The following FGF20 variants were observed in gnomAD, a reference collection of about 807,000 sequenced individuals.
The protein encoded by FGF20 is fibroblast growth factor 20.
FGF20 carries 8 observed loss-of-function variants against 16.7 expected under a neutral mutation model. The observed-to-expected ratio is 0.48, with a 90% CI of 0.28 to 0.87. FGF20 has a LOEUF of 0.87. Ranked by LOEUF, FGF20 falls within the 40% of genes least tolerant of loss-of-function variation. The pLI is 0.10. For missense variants in FGF20, 397 were observed against 281.4 expected, an observed-to-expected ratio of 1.41 and a Z score of -2.94; for synonymous variants, 161 against 118.6, an observed-to-expected ratio of 1.36 and a Z score of -2.32.
At chr8:16,999,730 G>C (rs955256184) in intron 1 of FGF20, among the ~76,000 whole-genome samples, 1 of 147,800 alleles carries the variant, frequency 6.8e-6, no homozygotes, top group African/African-American at 2.5e-5. Context: ...TTAGTAGAGA[G>C]GGGTTTCACT....
At chr8:16,997,138 A>G (rs1810072802) in intron 1 of FGF20, among the ~76,000 whole-genome samples, 1 of 152,222 alleles carries the variant, frequency 6.6e-6, no homozygotes, top group African/African-American at 2.4e-5. Context: ...CCCTAAATAC[A>G]CTGATAAACC....
At chr8:16,994,335 G>A (rs1342350263) in intron 2 of FGF20, among the ~76,000 whole-genome samples, 1 of 152,094 alleles carries the variant, frequency 6.6e-6, no homozygotes, top group Non-Finnish European at 1.5e-5. Context: ...ACTGTTTGAT[G>A]ATACATTCTC....
At chr8:17,000,685 G>T (rs1017566673) in intron 1 of FGF20, among the ~76,000 whole-genome samples, 1 of 152,144 alleles carries the variant, frequency 6.6e-6, no homozygotes, top group Non-Finnish European at 1.5e-5. Context: ...TATTAGAACC[G>T]GAGAGCACCC....
At chr8:16,998,571 GCCCAGTGT>G (rs1810109034) in intron 1 of FGF20, among the ~76,000 whole-genome samples, 1 of 152,048 alleles carries the variant, frequency 6.6e-6, no homozygotes, top group Non-Finnish European at 1.5e-5. Context: ...ATTTTCTAAT[GCCCAGTGT>G]CCCATAAAAA....
chr8:16,997,160 A>G (rs1057128474), intron 1 of FGF20, among the ~76,000 whole-genome samples: 2 of 152,230 alleles, frequency 1.3e-5, no homozygotes, highest in Non-Finnish European at 2.9e-5. Flanking sequence ...CAGTTTAAAA[A>G]AGAAAAACTT....
chr8:16,997,934 T>C (rs1810092661), intron 1 of FGF20, among the ~76,000 whole-genome samples: 1 of 152,244 alleles, frequency 6.6e-6, no homozygotes, highest in Non-Finnish European at 1.5e-5. Context: ...AAGTGTTCTG[T>C]GGTTGAAATG....
At chr8:16,995,784 A>G (rs757647655) in intron 1 of FGF20, 26 bp from the exon 2 acceptor site, 1 of 1,344,508 alleles carries the variant, frequency 7.4e-7, no homozygotes, top group African/African-American at 1.5e-5. Context: ...ATTCATAAAA[A>G]CACCATGTTT....
rs1249877307 is a variant in FGF20 at position 16,993,354 on chromosome 8, A to G, written c.391-37T>C. ...AAGATAACTATTATTTTTTAAAAAA[A>G]TACCTTTGAGATAATTTCCTTACAA... On this transcript the variant is annotated intron_variant, in intron 2 of 2. Coordinates refer to ENST00000180166, the MANE Select transcript of FGF20 (RefSeq NM_019851.3). 4 of 1,543,590 alleles carry G rather than the reference A, an allele frequency of 2.6e-6. No homozygotes were observed. In the African/African-American group the frequency reaches 5.6e-5, roughly 21 times the overall value.
rs183080996 is a variant in FGF20, at chr8:16,992,490, T to C, written c.*582A>G. 1 of 151,452 alleles carries C rather than the reference T, an allele frequency of 6.6e-6. No individual in the cohort carries two copies. The highest frequency in any genetic ancestry group is 1.5e-5 in the Non-Finnish European group (1 of 67,824). 9.4% of individuals were successfully genotyped at this position (151,452 alleles called of 1,614,324 possible). A position where few individuals can be genotyped will look rare whatever the true frequency, so the allele number is the denominator to read the frequency against. On this transcript the variant is annotated 3_prime_UTR_variant, in exon 3 of 3. Transcript: ENST00000180166. ...AAATAAACTCTTTAATAAATAAATA[T>C]ATATAATAAATATTTTCAAATTGAA...
At chr8:16,995,294 A>C (rs1172915851) in intron 2 of FGF20, among the ~76,000 whole-genome samples, 4 of 152,232 alleles carry the variant, frequency 2.6e-5, no homozygotes, top group Non-Finnish European at 5.9e-5. Flanking sequence ...AGGTAGAGAA[A>C]GTTTACCTTA....
intron 1 of FGF20, among the ~76,000 whole-genome samples, chr8:16,998,988 A>C (rs754948156): frequency 2.0e-5 from 3 of 152,186 alleles, no homozygotes; most frequent in Non-Finnish European, 2.9e-5. Flanking sequence ...AAACATAATA[A>C]TTTAATAATT....
At chr8:16,994,473 A>G (rs897005750) in intron 2 of FGF20, among the ~76,000 whole-genome samples, 1 of 11,782 alleles carries the variant, frequency 8.5e-5, no homozygotes, top group Non-Finnish European at 6.8e-3. Flanking sequence ...GATTGTGTGC[A>G]TGTTTTTTCT....
intron 1 of FGF20, among the ~76,000 whole-genome samples, chr8:16,999,127 G>T (rs1216031559): frequency 6.6e-6 from 1 of 152,090 alleles, no homozygotes. Context: ...ATTGAAGGCC[G>T]CTAGGATGTA....
intron 1 of FGF20, among the ~76,000 whole-genome samples, chr8:17,001,125 GTAGCGAA>G (rs1810170559): frequency 1.1e-5 from 1 of 89,566 alleles, no homozygotes; most frequent in South Asian, 3.5e-4. Flanking sequence ...AGCCCTACAG[GTAGCGAA>G]TGTGCCCACG....
intron 2 of FGF20, 113 bp downstream of exon 2, chr8:16,995,542 A>T (rs1304399433): frequency 4.3e-6 from 2 of 462,144 alleles, no homozygotes; most frequent in African/African-American, 2.0e-5. Flanking sequence ...ATTTCTACGT[A>T]AGTATGTTTT....
Position 16,992,347 on chromosome 8 carries a change from G to C in FGF20, c.*725C>G, listed in dbSNP as rs959106618. 2.0e-5 allele frequency: 3 copies of C among 151,940 alleles called. No individual in the cohort carries two copies. The highest frequency in any genetic ancestry group is 2.0e-4 in the Admixed American group (3 of 15,256). The allele number at this position is 151,940 out of a possible 1,614,324, so 9.4% of individuals were successfully genotyped here. ...AAAGAAATTCAAAATCTGATTCTAT[G>C]GTTAAGGTGGTATAATAATGTCCTC... On this transcript the variant is annotated 3_prime_UTR_variant, in exon 3 of 3. Coordinates refer to ENST00000180166, the MANE Select transcript of FGF20 (RefSeq NM_019851.3).
chr8:16,999,197 G>A (rs975345855), intron 1 of FGF20, among the ~76,000 whole-genome samples: 3 of 152,140 alleles, frequency 2.0e-5, no homozygotes, highest in African/African-American at 7.2e-5. Flanking sequence ...TCTTCCTTTT[G>A]TTTAACAGTA....
rs187908938 is a variant in FGF20, at chr8:16,992,512, T to C, written c.*560A>G. 1.3e-5 allele frequency: 2 copies of C among 151,550 alleles called. No homozygotes were observed. The highest frequency in any genetic ancestry group is 2.9e-5 in the Non-Finnish European group (2 of 67,850). The allele number at this position is 151,550 out of a possible 1,614,324, so 9.4% of individuals were successfully genotyped here. A position where few individuals can be genotyped will look rare whatever the true frequency, so the allele number is the denominator to read the frequency against. On this transcript the variant is annotated 3_prime_UTR_variant, in exon 3 of 3. Transcript: ENST00000180166. ...ATATATATAATAAATATTTTCAAAT[T>C]GAAAGTGTATAAATAGGTCCATTCT...
chr8:17,002,066 C>A lies in FGF20; in HGVS notation c.-34G>T, dbSNP rs781016331. The A allele has an allele frequency of 1.5e-5, 22 of 1,503,768 alleles. No individual in the cohort carries two copies. The highest frequency in any genetic ancestry group is 2.8e-5 in the East Asian group (1 of 35,500). 93.2% of individuals were successfully genotyped at this position (1,503,768 alleles called of 1,614,324 possible). A position where few individuals can be genotyped will look rare whatever the true frequency, so the allele number is the denominator to read the frequency against. ...AGATCCGGAACACAAAAGACCCCCC[C>A]AGTAAAGAGTGTTGTGGGGGTGGGA... is the stretch of plus-strand genomic sequence containing the variant. On this transcript the variant is annotated 5_prime_UTR_variant, in exon 1 of 3. Transcript: ENST00000180166.
Sources: allele counts gnomAD v4.1 joint callset (sites outside exome capture counted in the v4.1 genomes callset), GRCh38; gene constraint gnomAD v4.1.1; transcripts MANE v1.5; gene names NCBI Gene and HGNC (gene_info 2026-07-23, HGNC 2026-07-21).